AGBL4: variants seen among roughly 807,000 people sequenced by gnomAD.
AGBL4 encodes the protein cytosolic carboxypeptidase 6.
Under a neutral mutation model 66.4 loss-of-function variants are expected in AGBL4, and 58 were observed. The observed-to-expected ratio is 0.87, with a 90% confidence interval of 0.71 to 1.09. The LOEUF (loss-of-function observed/expected upper bound fraction) is 1.09. Ranked by LOEUF, AGBL4 falls within the 50% of genes least tolerant of loss-of-function variation. The probability of loss-of-function intolerance (pLI) is 0.00; values close to 1 mark genes in which losing one functional copy is unlikely to be tolerated. For missense variants in AGBL4, 579 were observed against 631.0 expected, an observed-to-expected ratio of 0.92 and a Z score of 0.88; for synonymous variants, 234 against 222.9, an observed-to-expected ratio of 1.05 and a Z score of -0.44.
At chr1:50,006,183 C>CA (rs139493969) in intron 1 of AGBL4, among the ~76,000 whole-genome samples, 1 of 151,902 alleles carries the variant, frequency 6.6e-6, no homozygotes, top group Non-Finnish European at 1.5e-5. Flanking sequence ...ACTAAAACTA[C>CA]AAAAAATTAG....
intron 4 of AGBL4, among the ~76,000 whole-genome samples, chr1:49,100,695 C>G (rs1645185205): frequency 6.6e-6 from 1 of 152,158 alleles, no homozygotes; most frequent in African/African-American, 2.4e-5. Context: ...GCAATGTTCA[C>G]AGGGTCAGGC....
chr1:49,750,889 T>G (rs1362948474), intron 2 of AGBL4, among the ~76,000 whole-genome samples: 1 of 152,226 alleles, frequency 6.6e-6, no homozygotes, highest in Non-Finnish European at 1.5e-5. Context: ...GCTCTCTGTT[T>G]GTCTATTATT....
chr1:49,914,980 T>C (rs1179332049), intron 1 of AGBL4, among the ~76,000 whole-genome samples: 1 of 152,058 alleles, frequency 6.6e-6, no homozygotes, highest in East Asian at 1.9e-4. Flanking sequence ...GTCTCACCTC[T>C]CAAAAATATT....
intron 7 of AGBL4, among the ~76,000 whole-genome samples, chr1:48,656,044 C>T (rs1646014546): frequency 6.6e-6 from 1 of 152,168 alleles, no homozygotes; most frequent in South Asian, 2.1e-4. Context: ...AGCCTTGTTC[C>T]TTCTGTAAAC....
At chr1:48,983,623 T>A (rs1187527693) in intron 5 of AGBL4, among the ~76,000 whole-genome samples, 1 of 152,174 alleles carries the variant, frequency 6.6e-6, no homozygotes, top group East Asian at 1.9e-4. Context: ...CATAAATGCA[T>A]TCATTCATTC....
intron 2 of AGBL4, among the ~76,000 whole-genome samples, chr1:49,795,003 C>A (rs574352343): frequency 2.0e-5 from 3 of 151,808 alleles, no homozygotes; most frequent in Non-Finnish European, 4.4e-5. Flanking sequence ...CAGACAAAAT[C>A]TCTGCCCTTG....
intron 4 of AGBL4, among the ~76,000 whole-genome samples, chr1:49,054,700 A>G (rs1644279225): frequency 6.6e-6 from 1 of 151,940 alleles, no homozygotes; most frequent in Admixed American, 6.6e-5. Flanking sequence ...ACTATATGTG[A>G]AAAAAATGTT....
intron 3 of AGBL4, among the ~76,000 whole-genome samples, chr1:49,687,985 T>C (rs969697448): frequency 1.3e-4 from 20 of 152,186 alleles, no homozygotes; most frequent in African/African-American, 2.4e-5. Flanking sequence ...ATGAGATATT[T>C]TGATAAAGGC....
intron 6 of AGBL4, among the ~76,000 whole-genome samples, chr1:48,664,192 C>T (rs985059811): frequency 2.0e-5 from 3 of 152,156 alleles, no homozygotes; most frequent in South Asian, 2.1e-4. Context: ...AGTTGGGTAA[C>T]TGTGAGCTCC....
At chr1:48,940,643 G>C (rs761472311) in intron 5 of AGBL4, among the ~76,000 whole-genome samples, 2 of 152,184 alleles carry the variant, frequency 1.3e-5, no homozygotes, top group Non-Finnish European at 2.9e-5. Flanking sequence ...TCTAGGTTTG[G>C]TGGCACCAGA....
intron 3 of AGBL4, among the ~76,000 whole-genome samples, chr1:49,425,451 T>G (rs909509893): frequency 1.3e-5 from 2 of 152,200 alleles, no homozygotes; most frequent in Admixed American, 6.5e-5. Context: ...TTAAATATTT[T>G]GTAATATTTA....
rs1645993682 is a variant in AGBL4, at chr1:49,651,033, C to T, written c.282+46280G>A. ...CGTACACAGAGCAGTAGCGTCCTAG[C>T]AACACAGCACAGACAAGCCACAGAA... is the stretch of plus-strand genomic sequence containing the variant. On this transcript the variant is annotated intron_variant, in intron 3 of 13. Transcript: ENST00000371839. Among the ~76,000 whole-genome samples, 3 of 152,160 alleles carry T rather than the reference C, an allele frequency of 2.0e-5. No individual in the cohort carries two copies. In the South Asian group the frequency reaches 6.2e-4, roughly 32 times the overall value.
At chr1:49,864,664 C>T (rs1410166608) in intron 1 of AGBL4, among the ~76,000 whole-genome samples, 1 of 152,176 alleles carries the variant, frequency 6.6e-6, no homozygotes, top group African/African-American at 2.4e-5. Context: ...TCTGTGCAAC[C>T]CATGGATCAG....
intron 1 of AGBL4, among the ~76,000 whole-genome samples, chr1:49,978,236 G>A (rs1658741543): frequency 6.6e-6 from 1 of 152,050 alleles, no homozygotes; most frequent in Non-Finnish European, 1.5e-5. Flanking sequence ...ATTGCTTGAG[G>A]CCAGGAATTT....
At chr1:48,540,403 A>T (rs1157902110) in intron 11 of AGBL4, among the ~76,000 whole-genome samples, 1 of 152,176 alleles carries the variant, frequency 6.6e-6, no homozygotes, top group African/African-American at 2.4e-5. Flanking sequence ...ACAACAGAAT[A>T]TCTTCTCTGT....
chr1:48,702,687 A>T (rs1027754882), intron 6 of AGBL4, among the ~76,000 whole-genome samples: 2 of 152,206 alleles, frequency 1.3e-5, no homozygotes, highest in African/African-American at 4.8e-5. Flanking sequence ...GAACACCTGG[A>T]CACTTAAAGA....
downstream of AGBL4, among the ~76,000 whole-genome samples, chr1:48,528,865 T>C (rs1014017033): frequency 7.9e-5 from 12 of 152,182 alleles, no homozygotes; most frequent in Non-Finnish European, 1.3e-4. Flanking sequence ...TTGTTTGCTA[T>C]GATTTTGACA....
chr1:49,368,363 G>A (rs765194361), intron 3 of AGBL4, among the ~76,000 whole-genome samples: 18 of 151,926 alleles, frequency 1.2e-4, no homozygotes, highest in Non-Finnish European at 1.9e-4. Flanking sequence ...ACTTTTTTAC[G>A]TTCCCACCAG....
intron 4 of AGBL4, among the ~76,000 whole-genome samples, chr1:49,235,614 T>A (rs1284024098): frequency 6.6e-6 from 1 of 152,210 alleles, no homozygotes; most frequent in African/African-American, 2.4e-5. Flanking sequence ...TAATCTCTAT[T>A]TTATATACAA....
Sources: allele counts gnomAD v4.1 joint callset (sites outside exome capture counted in the v4.1 genomes callset), GRCh38; gene constraint gnomAD v4.1.1; transcripts MANE v1.5; gene names NCBI Gene and HGNC (gene_info 2026-07-23, HGNC 2026-07-21).